The following PVT1 variants were observed in gnomAD, a reference collection of about 807,000 sequenced individuals.
The protein encoded by PVT1 is CXCR4/PVT1 fusion.
chr8:128,044,422 A>G (rs573636660), intron 4 of PVT1, among the ~76,000 whole-genome samples: 2 of 152,298 alleles, frequency 1.3e-5, no homozygotes, highest in East Asian at 1.9e-4. Flanking sequence ...TGTTAAATGC[A>G]TAAGTCTCTA....
chr8:127,822,317 C>T (rs1814740530), intron 2 of PVT1, among the ~76,000 whole-genome samples: 1 of 152,214 alleles, frequency 6.6e-6, no homozygotes, highest in Non-Finnish European at 1.5e-5. Context: ...GTGGGTCACA[C>T]TTGTAATCCC....
intron 2 of PVT1, among the ~76,000 whole-genome samples, chr8:127,802,148 C>T (rs879609357): frequency 2.0e-5 from 3 of 152,144 alleles, no homozygotes; most frequent in Admixed American, 6.5e-5. Flanking sequence ...CTTCTGACCT[C>T]AGGTGATCCA....
chr8:127,859,797 T>C (rs1327895566), intron 2 of PVT1, among the ~76,000 whole-genome samples: 1 of 151,916 alleles, frequency 6.6e-6, no homozygotes, highest in Non-Finnish European at 1.5e-5. Flanking sequence ...ATCTGTACCA[T>C]GGGGATGATA....
intron 2 of PVT1, among the ~76,000 whole-genome samples, chr8:127,802,444 G>A (rs559067728): frequency 1.2e-4 from 18 of 152,242 alleles, no homozygotes; most frequent in South Asian, 4.1e-4. Flanking sequence ...TTGAGCTCCT[G>A]GGCTCCAGCA....
At chr8:128,051,213 G>A (rs1401097422) in intron 4 of PVT1, among the ~76,000 whole-genome samples, 1 of 152,172 alleles carries the variant, frequency 6.6e-6, no homozygotes, top group African/African-American at 2.4e-5. Flanking sequence ...TCTTCACATA[G>A]CCTATCATCC....
In PVT1 at chr8:127,824,216, A is replaced by G. The variant is rs568252274; in HGVS notation, n.372+28145A>G. Among the ~76,000 whole-genome samples, 3 of 152,342 alleles carry G rather than the reference A, an allele frequency of 2.0e-5. No individual in the cohort carries two copies. In the South Asian group the frequency reaches 6.2e-4, roughly 32 times the overall value. On this transcript the variant is annotated intron_variant and non_coding_transcript_variant, in intron 2 of 10. Coordinates refer to ENST00000651587, the Ensembl canonical transcript of PVT1. Reference sequence around the variant, plus strand: ...AACTATCTGGCTTCATCCTAAGAGTAGTTGCATTTTAAACTCTCAGTCAGC... The same window carrying G: ...AACTATCTGGCTTCATCCTAAGAGTGGTTGCATTTTAAACTCTCAGTCAGC...
In PVT1 at chr8:128,034,489, T is replaced by C. The variant is rs532904096; in HGVS notation, n.913-35671T>C. On this transcript the variant is annotated intron_variant and non_coding_transcript_variant, in intron 4 of 10. Transcript: ENST00000651587. The stretch of plus-strand genomic sequence containing the variant: ...ACACTTACTGTGCTGTTCTAGCTCA[T>C]CTCTTGGTGTGCGTGTCAACTGAAC... Among the ~76,000 whole-genome samples, 157 of 152,372 alleles carry C rather than the reference T, an allele frequency of 1.0e-3. 4 individuals carry two copies. The South Asian group carries it at 0.031, about 30-fold the overall frequency.
chr8:127,915,467 C>T (rs1815972169), intron 3 of PVT1, among the ~76,000 whole-genome samples: 1 of 151,862 alleles, frequency 6.6e-6, no homozygotes, highest in African/African-American at 2.4e-5. Context: ...ACGAAATTAG[C>T]CAGGCGTGGT....
At chr8:127,864,692 C>T (rs906251058) in intron 2 of PVT1, among the ~76,000 whole-genome samples, 17 of 152,082 alleles carry the variant, frequency 1.1e-4, no homozygotes, top group African/African-American at 3.9e-4. Context: ...GGACTACAGG[C>T]GCCCACCACC....
chr8:128,017,088 A>G (rs778116512), intron 4 of PVT1, among the ~76,000 whole-genome samples: 1 of 152,210 alleles, frequency 6.6e-6, no homozygotes, highest in Non-Finnish European at 1.5e-5. Flanking sequence ...TTATCTGGCC[A>G]TCGTCACCCC....
chr8:127,816,999 C>T (rs979194772), intron 2 of PVT1, among the ~76,000 whole-genome samples: 10 of 152,066 alleles, frequency 6.6e-5, no homozygotes, highest in Non-Finnish European at 1.2e-4. Context: ...GTGAGTTGTT[C>T]GCAGGTGTCC....
Position 128,041,468 on chromosome 8 carries a change from G to A in PVT1, n.913-28692G>A, listed in dbSNP as rs186187831. 3.3e-3 allele frequency among the ~76,000 whole-genome samples: 494 copies of A among 149,154 alleles called. 2 individuals are homozygous for A. The highest frequency in any genetic ancestry group is 0.011 in the African/African-American group (461 of 40,516). On this transcript the variant is annotated intron_variant and non_coding_transcript_variant, in intron 4 of 10. Transcript: ENST00000651587. ...ATGTGTTTGGCGTGTATATGTGTTT[G>A]GTGTGTGTGCCTGGTGCGTATGTGT...
At chr8:128,093,048 T>C (rs1233073455) in intron 5 of PVT1, among the ~76,000 whole-genome samples, 1 of 152,240 alleles carries the variant, frequency 6.6e-6, no homozygotes. Context: ...AATATATATA[T>C]GCAACTTTAA....
At chr8:127,980,674 G>A (rs1323629504) in intron 3 of PVT1, among the ~76,000 whole-genome samples, 1 of 152,072 alleles carries the variant, frequency 6.6e-6, no homozygotes, top group Non-Finnish European at 1.5e-5. Context: ...TGCCCCATTG[G>A]CTTGGTGACT....
chr8:127,809,052 A>AAAAAAAAAAAAAAAAAAAAAAAAAAAG (rs1554588311), intron 2 of PVT1, among the ~76,000 whole-genome samples: 5 of 135,028 alleles, frequency 3.7e-5, no homozygotes, highest in African/African-American at 1.2e-4. Context: ...AAAAAAAAAA[A>AAAAAAAAAAAAAAAAAAAAAAAAAAAG]AAAGAAAGAA....
chr8:127,943,303 C>G (rs541137572), intron 3 of PVT1, among the ~76,000 whole-genome samples: 1 of 152,326 alleles, frequency 6.6e-6, no homozygotes, highest in South Asian at 2.1e-4. Context: ...CAGCCCAGCC[C>G]TTTATTCTGG....
chr8:127,795,127 C>T (rs1264105900), intron 1 of PVT1, among the ~76,000 whole-genome samples: 1 of 152,164 alleles, frequency 6.6e-6, no homozygotes, highest in East Asian at 1.9e-4. Flanking sequence ...CCATCACTCC[C>T]CGCTTCCTCT....
intron 4 of PVT1, among the ~76,000 whole-genome samples, chr8:128,039,918 G>T (rs974747542): frequency 1.3e-5 from 2 of 152,212 alleles, no homozygotes; most frequent in Non-Finnish European, 2.9e-5. Context: ...ATGGGGTGCC[G>T]TAAGAAATAT....
chr8:128,011,402 C>T (rs545839615), intron 4 of PVT1, among the ~76,000 whole-genome samples: 3 of 152,028 alleles, frequency 2.0e-5, no homozygotes, highest in Non-Finnish European at 4.4e-5. Context: ...GTGGGGCTCT[C>T]GTGATGAAAT....
Sources: allele counts gnomAD v4.1 joint callset (sites outside exome capture counted in the v4.1 genomes callset), GRCh38; gene constraint gnomAD v4.1.1; transcripts MANE v1.5; gene names NCBI Gene and HGNC (gene_info 2026-07-23, HGNC 2026-07-21).